The following PRDM15 variants were observed in gnomAD, a reference collection of about 807,000 sequenced individuals.
PRDM15 encodes PR domain zinc finger protein 15.
In PRDM15, 64 loss-of-function variants were observed where a neutral mutation model predicts 128.6. The observed-to-expected ratio is 0.50, with a 90% CI of 0.41 to 0.61. The LOEUF (loss-of-function observed/expected upper bound fraction) is 0.61. PRDM15 is among the 20% of genes least tolerant of loss of function. The pLI is 0.00. For missense variants in PRDM15, 1,242 were observed against 1,569.1 expected (o/e 0.79, Z 3.52); for synonymous variants, 615 against 621.8 (o/e 0.99, Z 0.16).
rs1160585779 is a variant in PRDM15, at chr21:41,821,004, CTT to C, written c.2060+61_2060+62del. 6.2e-7 allele frequency: 1 copy of C among 1,600,578 alleles called. No individual in the cohort carries two copies. Among genetic ancestry groups the C allele is most frequent in the African/African-American group, 1.3e-5 (1 of 74,644 alleles). ...AAATGGCTCCTTATAGCATGTGTCT[CTT>C]TGCAAGGAAGCATGTCCCCTCTCTC... On this transcript the variant is annotated intron_variant, in intron 16 of 23. Transcript: ENST00000398548. This position sits in a 1 kb window ranked among gnomAD's most constrained non-coding sequence, Gnocchi z 5.4.
At chr21:41,867,477 G>T in intron 1 of PRDM15, 1 of 934,150 alleles carries the variant, frequency 1.1e-6, no homozygotes, top group Non-Finnish European at 1.7e-6. Context: ...ATGTTGCCCA[G>T]GCTGGAGCGC....
At position 41,819,627 on chromosome 21, in the gene PRDM15, C is replaced by A; in HGVS notation, c.2215G>T (p.Val739Leu). The A allele has an allele frequency of 6.2e-7, 1 of 1,612,038 alleles. No homozygotes were observed. The highest frequency in any genetic ancestry group is 8.5e-7 in the Non-Finnish European group (1 of 1,179,492). Residue 739 changes from valine (V) to leucine (L), a missense_variant, in exon 18 of 24, where the codon GTG becomes TTG. Val to Leu is a conservative substitution (Grantham distance 32). Coordinates refer to ENST00000398548, the MANE Select transcript of PRDM15 (RefSeq NM_001040424.3). ...AGGTACTCGCGGACATTGTCGTGCA[C>A]ACGCATGTGCTCCTTCAGCATGTCC... is the stretch of plus-strand genomic sequence containing the variant. ...RKDMLKEHMRVHDNVREYLCA... is the reference protein window; with the variant it reads ...RKDMLKEHMRLHDNVREYLCA...
intron 21 of PRDM15, 174 bp from the exon 22 acceptor site, chr21:41,804,788 G>C (rs1161134119): frequency 1.9e-6 from 1 of 537,854 alleles, no homozygotes. Flanking sequence ...TCTGTGTCCA[G>C]AAGCCCAGGG....
intron 22 of PRDM15, among the ~76,000 whole-genome samples, chr21:41,803,541 G>A (rs1483076841): frequency 5.3e-5 from 8 of 152,172 alleles, no homozygotes. Flanking sequence ...CCGGTGAGTG[G>A]TCACCTGCCA....
At chr21:41,833,551 TATAA>T (rs1249406753) in intron 11 of PRDM15, among the ~76,000 whole-genome samples, 7 of 152,364 alleles carry the variant, frequency 4.6e-5, no homozygotes, top group South Asian at 2.1e-4. Flanking sequence ...ACTTCAATAC[TATAA>T]ATAAGTATAA....
Position 41,810,725 on chromosome 21 carries a change from G to T in PRDM15, c.2476+28C>A. Reference sequence around the variant, plus strand: ...CCCGGCAGCCTGCCGCGTGCGCCCCGAAGGCTCCTTCAGGCTGCGCCGCTC... The same window carrying T: ...CCCGGCAGCCTGCCGCGTGCGCCCCTAAGGCTCCTTCAGGCTGCGCCGCTC... On this transcript the variant is annotated intron_variant, in intron 20 of 23. Transcript: ENST00000398548. The surrounding 1 kb of genome is among the most constrained non-coding windows in gnomAD (Gnocchi z 6.4). 1 of 1,606,906 alleles carries T rather than the reference G, an allele frequency of 6.2e-7. No homozygotes were observed. The highest frequency in any genetic ancestry group is 8.5e-7 in the Non-Finnish European group (1 of 1,174,072).
Position 41,810,253 on chromosome 21 carries a change from G to C in PRDM15, c.2553C>G (p.Leu851=). 1 of 1,613,358 alleles carries C rather than the reference G, an allele frequency of 6.2e-7. No individual in the cohort carries two copies. ...TCTGCGCCTCCACCTTGTCGTGTGT[G>C]AGCTGAACGTGCTTCTGCAGCATGT... ...TEYMLQKHVQ[L]THDKVEAQSC... The change falls in exon 21 of 24, where the codon CTC becomes CTG. Residue 851 remains leucine (L), a synonymous_variant. Transcript: ENST00000398548. This position sits in a 1 kb window ranked among gnomAD's most constrained non-coding sequence, Gnocchi z 6.4.
intron 1 of PRDM15, chr21:41,871,623 T>C (rs2064215462): frequency 6.2e-7 from 1 of 1,607,306 alleles, no homozygotes; most frequent in Admixed American, 1.7e-5. Flanking sequence ...ATCTGGGACC[T>C]GTAGGCCAAC....
chr21:41,799,256 A>G lies in PRDM15; in HGVS notation c.*1984T>C, dbSNP rs150326486. ...CCCTTTAGATTCTGCAAAGGCAAAA[A>G]GAAATCGATACTGATTTTTAAAAAT... is the stretch of plus-strand genomic sequence containing the variant. On this transcript the variant is annotated 3_prime_UTR_variant, in exon 24 of 24. Coordinates refer to ENST00000398548, the MANE Select transcript of PRDM15 (RefSeq NM_001040424.3). 12 of 152,354 alleles carry G rather than the reference A, an allele frequency of 7.9e-5. No homozygotes were observed. The East Asian group carries it at 2.3e-3, about 29-fold the overall frequency. The allele number at this position is 152,354 out of a possible 1,614,324, so 9.4% of individuals were successfully genotyped here. A position where few individuals can be genotyped will look rare whatever the true frequency, so the allele number is the denominator to read the frequency against.
chr21:41,865,036 T>G (rs1475958576), intron 1 of PRDM15, among the ~76,000 whole-genome samples: 8 of 132,034 alleles, frequency 6.1e-5, no homozygotes, highest in Admixed American at 1.6e-4. Flanking sequence ...CCCACTCCCC[T>G]GCTCAGTCCT....
chr21:41,874,487 T>C (rs2064327285), intron 1 of PRDM15, among the ~76,000 whole-genome samples: 1 of 145,410 alleles, frequency 6.9e-6, no homozygotes, highest in African/African-American at 2.5e-5. Flanking sequence ...AAACCTACTA[T>C]AACTAAGCAG....
intron 17 of PRDM15, 36 bp downstream of exon 17, chr21:41,820,059 C>A (rs1429634043): frequency 1.3e-6 from 2 of 1,582,104 alleles, no homozygotes; most frequent in South Asian, 1.1e-5. Context: ...CCCCCTCCAG[C>A]GAGGGCCGGG....
At chr21:41,826,499 C>T (rs916070496) in intron 12 of PRDM15, among the ~76,000 whole-genome samples, 6 of 152,154 alleles carry the variant, frequency 3.9e-5, no homozygotes, top group Non-Finnish European at 8.8e-5. Flanking sequence ...TCATCTCTCG[C>T]AAATTAACAT....
intron 23 of PRDM15, 142 bp from the exon 24 acceptor site, chr21:41,801,864 C>G (rs2061426500): frequency 2.0e-6 from 2 of 983,044 alleles, no homozygotes; most frequent in Non-Finnish European, 2.9e-6. Context: ...TAATTTTGTT[C>G]TGGAAAAATT....
At chr21:41,871,558 CA>C (rs768131319) in intron 1 of PRDM15, 1 of 1,612,374 alleles carries the variant, frequency 6.2e-7, no homozygotes, top group Non-Finnish European at 8.5e-7. Context: ...CAGTGTCGGA[CA>C]CCTCATTCCC....
intron 9 of PRDM15, 25 bp downstream of exon 9, chr21:41,836,443 C>A: frequency 6.3e-7 from 1 of 1,596,264 alleles, no homozygotes; most frequent in Non-Finnish European, 8.6e-7. Context: ...TGGCCCCGGG[C>A]GCCAGCCGGG....
intron 6 of PRDM15, among the ~76,000 whole-genome samples, chr21:41,843,386 T>C (rs1001153575): frequency 4.6e-5 from 7 of 152,190 alleles, no homozygotes; most frequent in African/African-American, 1.7e-4. Context: ...ACGTCTCTTG[T>C]CCTACAATCT....
chr21:41,824,428 G>C (rs1168941459), intron 13 of PRDM15, among the ~76,000 whole-genome samples: 1 of 152,196 alleles, frequency 6.6e-6, no homozygotes, highest in Non-Finnish European at 1.5e-5. Context: ...AAACAACAAA[G>C]AATTCAGTCA....
chr21:41,869,661 G>A (rs999482938), intron 1 of PRDM15, among the ~76,000 whole-genome samples: 1 of 152,082 alleles, frequency 6.6e-6, no homozygotes, highest in Non-Finnish European at 1.5e-5. Context: ...GCCAAAGCTG[G>A]TCTTGAACTC....
Sources: gnomAD v4.1 joint callset for allele counts (sites outside exome capture counted in the v4.1 genomes callset) on GRCh38, gnomAD v4.1.1 for gene constraint, Gnocchi (gnomAD v3.1) non-coding constraint, MANE v1.5 for transcripts, NCBI Gene and HGNC (gene_info 2026-07-23, HGNC 2026-07-21) for gene names.